The following NCMAP variants were observed in gnomAD, a reference collection of about 807,000 sequenced individuals.
NCMAP encodes non-compact myelin associated protein.
NCMAP carries 8 observed loss-of-function variants against 7.8 expected under a neutral mutation model. The ratio of observed to expected loss-of-function variants is 1.02; its 90% CI spans 0.60 to 1.84. The LOEUF (loss-of-function observed/expected upper bound fraction) is 1.84. Ranked by LOEUF, NCMAP falls within the 40% of genes most tolerant of loss-of-function variation. The probability of loss-of-function intolerance (pLI) is 0.00; values close to 1 mark genes in which losing one functional copy is unlikely to be tolerated. For synonymous variants in NCMAP, 41 were observed against 52.9 expected (o/e 0.78, Z 0.98); for missense variants, 112 against 131.4 (o/e 0.85, Z 0.72).
chr1:24,587,703 A>T (rs1651932194), intron 1 of NCMAP, among the ~76,000 whole-genome samples: 1 of 151,932 alleles, frequency 6.6e-6, no homozygotes, highest in South Asian at 2.1e-4. Context: ...TGTAGAGAAG[A>T]GGTTTCACCA....
intron 3 of NCMAP, among the ~76,000 whole-genome samples, chr1:24,603,878 C>A (rs1423462769): frequency 1.3e-5 from 2 of 152,188 alleles, no homozygotes; most frequent in African/African-American, 2.4e-5. Flanking sequence ...CTATGCTGTG[C>A]TGCTATCACA....
chr1:24,573,368 T>C (rs892855122), intron 1 of NCMAP, among the ~76,000 whole-genome samples: 2 of 150,786 alleles, frequency 1.3e-5, no homozygotes, highest in South Asian at 4.2e-4. Flanking sequence ...AGGTCGTGGA[T>C]CACGAGGTCA....
In NCMAP at chr1:24,599,280, CAA is replaced by C. The variant is rs34709750; in HGVS notation, c.83-1643_83-1642del. On this transcript the variant is annotated intron_variant, in intron 2 of 3. Coordinates refer to ENST00000374392, the MANE Select transcript of NCMAP (RefSeq NM_001010980.5). Reference sequence around the variant, plus strand: ...GGGCAACAAGAGTGAAACTCCCTCTCAAAAAAAAAAAAAAAAAACAAGAAAGA... The same window carrying C: ...GGGCAACAAGAGTGAAACTCCCTCTCAAAAAAAAAAAAAAAACAAGAAAGA... Among the ~76,000 whole-genome samples, 317 of 101,620 alleles carry C rather than the reference CAA, an allele frequency of 3.1e-3. 1 individual carries two copies. The highest frequency in any genetic ancestry group is 0.015 in the Admixed American group (137 of 9,114). 66.7% of individuals were successfully genotyped at this position (101,620 alleles called of 152,430 possible). A position where few individuals can be genotyped will look rare whatever the true frequency, so the allele number is the denominator to read the frequency against.
intron 1 of NCMAP, among the ~76,000 whole-genome samples, chr1:24,565,959 C>T (rs1651216176): frequency 6.6e-6 from 1 of 152,074 alleles, no homozygotes; most frequent in South Asian, 2.1e-4. Context: ...AGTGAGTTCT[C>T]ATGAGATCTG....
chr1:24,597,586 AG>A (rs1451563401), intron 2 of NCMAP, among the ~76,000 whole-genome samples: 1,497 of 130,592 alleles, frequency 0.011, 141 homozygotes, highest in African/African-American at 0.043. Flanking sequence ...AAAACAAAAG[AG>A]AAGAAAGAAG....
At chr1:24,584,944 G>A (rs1651839392) in intron 1 of NCMAP, among the ~76,000 whole-genome samples, 1 of 142,096 alleles carries the variant, frequency 7.0e-6, no homozygotes, top group South Asian at 2.3e-4. Context: ...AGAACGGGTG[G>A]AAGGACTGTG....
intron 1 of NCMAP, among the ~76,000 whole-genome samples, chr1:24,581,506 C>T (rs568205709): frequency 3.7e-4 from 56 of 152,328 alleles, no homozygotes; most frequent in African/African-American, 1.3e-3. Context: ...CCTGTAAGTT[C>T]CCTGCAGGCA....
At chr1:24,585,270 G>A (rs941391280) in intron 1 of NCMAP, among the ~76,000 whole-genome samples, 1 of 152,036 alleles carries the variant, frequency 6.6e-6, no homozygotes, top group Non-Finnish European at 1.5e-5. Flanking sequence ...AGGCGGCTCG[G>A]GTGACTATGT....
Position 24,577,345 on chromosome 1 carries a change from A to AAGATCCATT in NCMAP, c.-7-18076_-7-18068dup, listed in dbSNP as rs1357602188. On this transcript the variant is annotated intron_variant, in intron 1 of 3. Coordinates refer to ENST00000374392, the MANE Select transcript of NCMAP (RefSeq NM_001010980.5). ...AGAGAAACAAAAGCGAGACCACTGA[A>AAGATCCATT]AGATCCATTAGGGATAAATTCAGAT... is the stretch of plus-strand genomic sequence containing the variant. 4.0e-5 allele frequency among the ~76,000 whole-genome samples: 6 copies of AAGATCCATT among 148,586 alleles called. No individual in the cohort carries two copies. The South Asian group carries it at 1.3e-3, about 32-fold the overall frequency.
chr1:24,587,891 C>A (rs771211863), intron 1 of NCMAP, among the ~76,000 whole-genome samples: 2 of 152,090 alleles, frequency 1.3e-5, no homozygotes, highest in Non-Finnish European at 2.9e-5. Context: ...TAATTTGCAC[C>A]AATAAGTAAA....
At position 24,564,367 on chromosome 1, in the gene NCMAP, C is replaced by T. The variant is rs12405728; in HGVS notation, c.-8+8198C>T. Among the ~76,000 whole-genome samples the T allele has an allele frequency of 2.8e-3, 429 of 151,014 alleles. 10 individuals are homozygous for T. The East Asian group carries it at 0.042, about 15-fold the overall frequency. ...ACTACTAAAAATACAAAAATTAGCT[C>T]GGTGTGGTGGTGGGCGCCTGTAATT... On this transcript the variant is annotated intron_variant, in intron 1 of 3. Coordinates refer to ENST00000374392, the MANE Select transcript of NCMAP (RefSeq NM_001010980.5).
chr1:24,593,963 C>T (rs1159793909), intron 1 of NCMAP, among the ~76,000 whole-genome samples: 1 of 152,080 alleles, frequency 6.6e-6, no homozygotes, highest in East Asian at 1.9e-4. Context: ...GCAATCTCTG[C>T]TCACTGCAAC....
At chr1:24,586,815 A>G (rs1651895636) in intron 1 of NCMAP, among the ~76,000 whole-genome samples, 1 of 151,154 alleles carries the variant, frequency 6.6e-6, no homozygotes, top group Non-Finnish European at 1.5e-5. Flanking sequence ...TTGATTGGCC[A>G]TTAACGAGCA....
At chr1:24,571,282 C>T (rs1444654078) in intron 1 of NCMAP, among the ~76,000 whole-genome samples, 1 of 150,364 alleles carries the variant, frequency 6.7e-6, no homozygotes, top group Non-Finnish European at 1.5e-5. Context: ...CAAGACCAGC[C>T]TGGCCAACAT....
At chr1:24,601,103 T>C in intron 3 of NCMAP, 79 bp downstream of exon 3, 1 of 1,131,018 alleles carries the variant, frequency 8.8e-7, no homozygotes, top group Non-Finnish European at 1.3e-6. Context: ...GATATATGGG[T>C]GTCCGTCGTG....
At chr1:24,593,181 A>AG (rs936921680) in intron 1 of NCMAP, among the ~76,000 whole-genome samples, 9 of 138,316 alleles carry the variant, frequency 6.5e-5, no homozygotes, top group African/African-American at 1.5e-4. Flanking sequence ...CTACCTCAAA[A>AG]GAAAAAAAAA....
At chr1:24,567,084 C>G (rs1570514801) in intron 1 of NCMAP, among the ~76,000 whole-genome samples, 1 of 152,130 alleles carries the variant, frequency 6.6e-6, no homozygotes, top group African/African-American at 2.4e-5. Flanking sequence ...GATCCGGACC[C>G]CAGAGAGTTA....
At chr1:24,559,657 G>A (rs1470141648) in intron 1 of NCMAP, among the ~76,000 whole-genome samples, 1 of 152,202 alleles carries the variant, frequency 6.6e-6, no homozygotes, top group Non-Finnish European at 1.5e-5. Flanking sequence ...CCTCCTGCCT[G>A]GGCTGGACAC....
chr1:24,557,409 G>A (rs539814345), intron 1 of NCMAP, among the ~76,000 whole-genome samples: 1 of 148,766 alleles, frequency 6.7e-6, no homozygotes, highest in East Asian at 2.1e-4. Flanking sequence ...GTGTGTGTGT[G>A]CGCTTGTGTG....
Sources: gnomAD v4.1 joint callset for allele counts (sites outside exome capture counted in the v4.1 genomes callset) on GRCh38, gnomAD v4.1.1 for gene constraint, MANE v1.5 for transcripts, NCBI Gene and HGNC (gene_info 2026-07-23, HGNC 2026-07-21) for gene names.